The following SRGAP2C variants were observed in gnomAD, a reference collection of about 807,000 sequenced individuals.
SRGAP2C encodes SLIT-ROBO Rho GTPase activating protein 2C, also known as SLIT-ROBO Rho GTPase-activating protein 2C.
In SRGAP2C, 15 loss-of-function variants were observed where a neutral mutation model predicts 25.1. That is an observed-to-expected ratio of 0.60 (90% CI 0.40 to 0.92). SRGAP2C has a LOEUF of 0.92. Ranked by LOEUF, SRGAP2C falls within the 40% of genes least tolerant of loss-of-function variation. The pLI, the probability that SRGAP2C is intolerant of heterozygous loss-of-function variation, is 0.00. For missense variants in SRGAP2C, 144 were observed against 264.4 expected (o/e 0.54, Z 3.16); for synonymous variants, 44 against 96.6 (o/e 0.46, Z 3.19).
At position 121,392,325 on chromosome 1, in the gene SRGAP2C, T is replaced by C. The variant is rs1660121045; in HGVS notation, c.*4470T>C. The C allele has an allele frequency of 6.6e-6, 1 of 152,180 alleles. No individual in the cohort carries two copies. Among genetic ancestry groups the C allele is most frequent in the Non-Finnish European group, 1.5e-5 (1 of 68,006 alleles). The allele number at this position is 152,180 out of a possible 1,614,324, so 9.4% of individuals were successfully genotyped here. A position where few individuals can be genotyped will look rare whatever the true frequency, so the allele number is the denominator to read the frequency against. On this transcript the variant is annotated 3_prime_UTR_variant, in exon 10 of 10. Coordinates refer to ENST00000367123, the MANE Select transcript of SRGAP2C (RefSeq NM_001329984.2). ...TCCTTTTTACTTTTCTTCCTCTTCCTTTCTCTTCTTCTTTCTCGCCTTCAT... is the reference window on the plus strand; with the variant it reads ...TCCTTTTTACTTTTCTTCCTCTTCCCTTCTCTTCTTCTTTCTCGCCTTCAT...
chr1:121,347,341 C>T (rs1411844674), intron 4 of SRGAP2C, among the ~76,000 whole-genome samples: 8 of 113,684 alleles, frequency 7.0e-5, no homozygotes, highest in African/African-American at 1.0e-4. Context: ...TCTAGTTCTG[C>T]ATTCTAGAAA....
chr1:121,365,910 C>T (rs1553349415), intron 5 of SRGAP2C, among the ~76,000 whole-genome samples: 2 of 144,980 alleles, frequency 1.4e-5, no homozygotes, highest in South Asian at 2.2e-4. Flanking sequence ...ACCTCAGTGA[C>T]GAGGCAGGCT....
chr1:121,309,917 A>G, intron 3 of SRGAP2C, among the ~76,000 whole-genome samples: 1 of 19,642 alleles, frequency 5.1e-5, no homozygotes, highest in East Asian at 9.1e-4. Flanking sequence ...AGCATGATTT[A>G]TAGTCATTTG....
chr1:121,271,103 T>G (rs1553335263), intron 2 of SRGAP2C, among the ~76,000 whole-genome samples: 1 of 142,870 alleles, frequency 7.0e-6, no homozygotes, highest in African/African-American at 2.5e-5. Context: ...AGCTGGACTG[T>G]TTTTTTTTTT....
chr1:121,322,251 C>T (rs1473784556), intron 3 of SRGAP2C, among the ~76,000 whole-genome samples: 73 of 142,612 alleles, frequency 5.1e-4, no homozygotes, highest in African/African-American at 1.8e-3. Flanking sequence ...GGTATCTTGC[C>T]GAGAGACACC....
chr1:121,392,469 T>C lies in SRGAP2C; in HGVS notation c.*4614T>C, dbSNP rs1414217066. ...TTAGTAGATATGGTTATTTCTCCCT[T>C]TAGTTCTCTTTTGAGATTTATAGTC... On this transcript the variant is annotated 3_prime_UTR_variant, in exon 10 of 10. Coordinates refer to ENST00000367123, the MANE Select transcript of SRGAP2C (RefSeq NM_001329984.2). 2 of 151,610 alleles carry C rather than the reference T, an allele frequency of 1.3e-5. No individual in the cohort carries two copies. The highest frequency in any genetic ancestry group is 1.9e-4 in the East Asian group (1 of 5,160). The allele number at this position is 151,610 out of a possible 1,614,324, so 9.4% of individuals were successfully genotyped here.
intron 2 of SRGAP2C, among the ~76,000 whole-genome samples, chr1:121,236,673 C>G (rs587741409): frequency 6.6e-6 from 1 of 151,704 alleles, no homozygotes; most frequent in Admixed American, 6.6e-5. Flanking sequence ...TCTTTCAGTT[C>G]GAGATCTTAT....
At chr1:121,288,673 A>T (rs1657426637) in intron 3 of SRGAP2C, among the ~76,000 whole-genome samples, 2 of 64,766 alleles carry the variant, frequency 3.1e-5, no homozygotes, top group South Asian at 4.5e-4. Context: ...TGAGCTAGAT[A>T]TAGAGTGCCG....
intron 8 of SRGAP2C, among the ~76,000 whole-genome samples, chr1:121,385,657 T>C (rs1268758662): frequency 3.9e-5 from 6 of 152,126 alleles, no homozygotes; most frequent in Non-Finnish European, 4.4e-5. Context: ...TCCAGATGTC[T>C]CTCTGCAGAC....
intron 3 of SRGAP2C, among the ~76,000 whole-genome samples, chr1:121,306,635 C>G (rs1657847830): frequency 7.0e-6 from 1 of 143,452 alleles, no homozygotes; most frequent in African/African-American, 2.5e-5. Context: ...TTCCCCGCTT[C>G]CCTCCCTCCC....
At chr1:121,243,974 C>A (rs1321315157) in intron 2 of SRGAP2C, among the ~76,000 whole-genome samples, 2 of 146,470 alleles carry the variant, frequency 1.4e-5, no homozygotes, top group Non-Finnish European at 3.0e-5. Flanking sequence ...AAGAGGGCTG[C>A]CTTTAGGGTT....
chr1:121,305,648 G>A (rs1403412034), intron 3 of SRGAP2C, among the ~76,000 whole-genome samples: 1 of 55,776 alleles, frequency 1.8e-5, no homozygotes, highest in Non-Finnish European at 3.6e-5. Context: ...GATTCCAGCT[G>A]TTCTGAATCT....
At chr1:121,239,962 A>G (rs1553329606) in intron 2 of SRGAP2C, among the ~76,000 whole-genome samples, 1 of 149,588 alleles carries the variant, frequency 6.7e-6, no homozygotes, top group African/African-American at 2.5e-5. Flanking sequence ...TGAATAGTTC[A>G]GATAAGAAAT....
At chr1:121,263,444 A>AAAC (rs1656681803) in intron 2 of SRGAP2C, among the ~76,000 whole-genome samples, 1 of 150,910 alleles carries the variant, frequency 6.6e-6, no homozygotes, top group Non-Finnish European at 1.5e-5. Context: ...AAAAAAAAAA[A>AAAC]AAAAAACTTC....
intron 2 of SRGAP2C, among the ~76,000 whole-genome samples, chr1:121,207,863 ATTCT>A (rs1161130879): frequency 2.0e-5 from 3 of 152,028 alleles, no homozygotes; most frequent in Middle Eastern, 6.3e-3. Flanking sequence ...TCCTTTATAA[ATTCT>A]TTCTGTGTAA....
At position 121,391,482 on chromosome 1, in the gene SRGAP2C, G is replaced by A. The variant is rs1475674521; in HGVS notation, c.*3627G>A. On this transcript the variant is annotated 3_prime_UTR_variant, in exon 10 of 10. Transcript: ENST00000367123. ...CTACAGACATATTTTGCTGGACAAT[G>A]ATTACTTGCTTTTCTTTTTGTTTTT... 2.6e-5 allele frequency: 4 copies of A among 152,292 alleles called. No individual in the cohort carries two copies. Among genetic ancestry groups the A allele is most frequent in the African/African-American group, 9.6e-5 (4 of 41,470 alleles). 9.4% of individuals were successfully genotyped at this position (152,292 alleles called of 1,614,324 possible).
intron 8 of SRGAP2C, among the ~76,000 whole-genome samples, chr1:121,383,386 C>T (rs145967618): frequency 8.9e-4 from 136 of 151,998 alleles, no homozygotes; most frequent in African/African-American, 2.0e-3. Context: ...AGTGGGGAAG[C>T]GAGGGCTAGG....
intron 3 of SRGAP2C, among the ~76,000 whole-genome samples, chr1:121,299,368 ATG>A (rs1657655446): frequency 6.9e-6 from 1 of 145,762 alleles, no homozygotes; most frequent in East Asian, 2.0e-4. Context: ...TTTAGAGAGA[ATG>A]AAAAAAAAAG....
intron 4 of SRGAP2C, among the ~76,000 whole-genome samples, chr1:121,356,801 AG>A (rs1413150494): frequency 6.6e-6 from 1 of 151,916 alleles, no homozygotes; most frequent in Non-Finnish European, 1.5e-5. Context: ...TGGTAGTTTA[AG>A]AAATGAAAGC....
Sources: gnomAD v4.1 joint callset for allele counts (sites outside exome capture counted in the v4.1 genomes callset) on GRCh38, gnomAD v4.1.1 for gene constraint, MANE v1.5 for transcripts, NCBI Gene and HGNC (gene_info 2026-07-23, HGNC 2026-07-21) for gene names.